Variants in PKD1L1 observed in about 807,000 individuals in gnomAD.
The protein encoded by PKD1L1 is polycystin 1 like 1, transient receptor potential channel interacting, also known as polycystin-1-like protein 1.
A neutral mutation model predicts 323.4 loss-of-function variants in PKD1L1; 236 were observed. The ratio of observed to expected loss-of-function variants is 0.73; its 90% CI spans 0.66 to 0.81. The LOEUF (loss-of-function observed/expected upper bound fraction) is 0.81. PKD1L1 is among the 40% of genes least tolerant of loss of function. The pLI, the probability that PKD1L1 is intolerant of heterozygous loss-of-function variation, is 0.00. For synonymous variants in PKD1L1, 1,344 were observed against 1,335.0 expected, an observed-to-expected ratio of 1.01 and a Z score of -0.15; for missense variants, 3,320 against 3,508.0, an observed-to-expected ratio of 0.95 and a Z score of 1.35.
At position 47,866,596 on chromosome 7, in the gene PKD1L1, T is replaced by C. The variant is rs752833235; in HGVS notation, c.3915A>G (p.Lys1305=). ...CCATCAGCTGGAGGGTAGAAAGGTT[T>C]TTCAGGCTGGAATTATACCTGAAGG... ...LGEDLYNSSL[K]NLSTLQLMGS... is the part of the protein sequence containing the mutation. Residue 1305 remains lysine, a synonymous_variant, in exon 25 of 57, where the codon AAA becomes AAG. Coordinates refer to ENST00000289672, the MANE Select transcript of PKD1L1 (RefSeq NM_138295.5). 2 of 1,607,618 alleles carry C rather than the reference T, an allele frequency of 1.2e-6. No individual in the cohort carries two copies. Among genetic ancestry groups the C allele is most frequent in the Non-Finnish European group, 1.7e-6 (2 of 1,176,324 alleles).
chr7:47,810,643 A>G (rs959411216), intron 50 of PKD1L1, among the ~76,000 whole-genome samples: 6 of 152,182 alleles, frequency 3.9e-5, no homozygotes, highest in Non-Finnish European at 8.8e-5. Flanking sequence ...CCCTCTCTTC[A>G]CTGCTAAAGC....
chr7:47,929,158 C>T (rs1308446336), intron 7 of PKD1L1, 46 bp downstream of exon 7: 1 of 1,571,756 alleles, frequency 6.4e-7, no homozygotes, highest in Non-Finnish European at 8.7e-7. Context: ...TCCCCTAGCT[C>T]AGGACCTCCT....
rs1787770576 is a variant in PKD1L1, at chr7:47,931,470, C to T, written c.520-149G>A. ...TTTGGGTGGGTGACCACAAATTGGC[C>T]CCGTGCATTGGCGCTATGTTGTGAG... is the stretch of plus-strand genomic sequence containing the variant. On this transcript the variant is annotated intron_variant, in intron 5 of 56. Coordinates refer to ENST00000289672, the MANE Select transcript of PKD1L1 (RefSeq NM_138295.5). 7 of 804,690 alleles carry T rather than the reference C, an allele frequency of 8.7e-6. No individual in the cohort carries two copies. The South Asian group carries it at 1.0e-4, about 12-fold the overall frequency. 49.8% of individuals were successfully genotyped at this position (804,690 alleles called of 1,614,324 possible). A position where few individuals can be genotyped will look rare whatever the true frequency, so the allele number is the denominator to read the frequency against.
At chr7:47,813,628 A>T (rs1314784251) in intron 48 of PKD1L1, 1 of 663,596 alleles carries the variant, frequency 1.5e-6, no homozygotes, top group Non-Finnish European at 2.8e-6. Context: ...TGAATATTCT[A>T]TTTTTAGATT....
intron 45 of PKD1L1, among the ~76,000 whole-genome samples, chr7:47,822,019 T>G (rs939984203): frequency 6.6e-6 from 1 of 152,154 alleles, no homozygotes. Context: ...ATCATCCTTT[T>G]TCCATTGGAT....
Position 47,885,604 on chromosome 7 carries a change from C to T in PKD1L1, c.3205+82G>A, listed in dbSNP as rs183179221. 471 of 1,519,204 alleles carry T rather than the reference C, an allele frequency of 3.1e-4. 1 individual carries two copies. The highest frequency in any genetic ancestry group is 3.8e-4 in the Non-Finnish European group (435 of 1,132,724). 94.1% of individuals were successfully genotyped at this position (1,519,204 alleles called of 1,614,324 possible). A position where few individuals can be genotyped will look rare whatever the true frequency, so the allele number is the denominator to read the frequency against. On this transcript the variant is annotated intron_variant, in intron 18 of 56. Coordinates refer to ENST00000289672, the MANE Select transcript of PKD1L1 (RefSeq NM_138295.5). ...GGCCCATGTTGATGTGATCTCACAC[C>T]TTACCCACCAGATTCACTGCTTCCA...
intron 27 of PKD1L1, 78 bp from the exon 28 acceptor site, chr7:47,857,910 G>A: frequency 1.5e-6 from 2 of 1,371,338 alleles, no homozygotes; most frequent in Non-Finnish European, 2.0e-6. Flanking sequence ...TAGGAGAGAG[G>A]GGAAAAGTAG....
intron 47 of PKD1L1, among the ~76,000 whole-genome samples, chr7:47,814,491 T>C (rs2128730447): frequency 6.6e-6 from 1 of 152,318 alleles, no homozygotes; most frequent in South Asian, 2.1e-4. Context: ...GCAATTCTCC[T>C]GCCTCAGCCT....
intron 22 of PKD1L1, among the ~76,000 whole-genome samples, chr7:47,876,645 T>C (rs1028590913): frequency 6.6e-6 from 1 of 151,630 alleles, no homozygotes; most frequent in African/African-American, 2.4e-5. Context: ...AGGACAAGGG[T>C]GGGGCTTCCT....
the PKD1L1 span, among the ~76,000 whole-genome samples, chr7:47,955,209 A>G: frequency 6.6e-6 from 1 of 152,346 alleles, no homozygotes. Context: ...CAGTATTCTA[A>G]ACCTGGCATA....
chr7:47,894,802 G>A lies in PKD1L1; in HGVS notation c.2272-743C>T, dbSNP rs149292130. 6.7e-3 allele frequency among the ~76,000 whole-genome samples: 1,008 copies of A among 149,680 alleles called. 14 individuals carry two copies. Among genetic ancestry groups the A allele is most frequent in the African/African-American group, 0.023 (947 of 40,610 alleles). On this transcript the variant is annotated intron_variant, in intron 14 of 56. Transcript: ENST00000289672. ...GTAGCCCAGAGGGGGAGGTTGCAGT[G>A]AGCTGAGATCACACCACTACACTCC...
At chr7:47,932,689 G>A (rs944359171) in intron 4 of PKD1L1, among the ~76,000 whole-genome samples, 5 of 152,174 alleles carry the variant, frequency 3.3e-5, no homozygotes, top group African/African-American at 1.2e-4. Flanking sequence ...CTTTCTCGGC[G>A]GCGGCTCCAG....
intron 43 of PKD1L1, 80 bp from the exon 44 acceptor site, chr7:47,829,681 A>C (rs1785304868): frequency 4.3e-6 from 6 of 1,384,652 alleles, no homozygotes; most frequent in Non-Finnish European, 5.8e-6. Flanking sequence ...CCCGTCCCCT[A>C]ATCATGAACA....
chr7:47,850,718 T>A lies in PKD1L1; in HGVS notation c.4960+2409A>T, dbSNP rs187715295. On this transcript the variant is annotated intron_variant, in intron 31 of 56. Coordinates refer to ENST00000289672, the MANE Select transcript of PKD1L1 (RefSeq NM_138295.5). ...TGAACCTAGCTGTATATAAAACGTA[T>A]AGCAAAAACCCACAGAGAAAATAAT... Among the ~76,000 whole-genome samples, 10 of 150,682 alleles carry A rather than the reference T, an allele frequency of 6.6e-5. No individual in the cohort carries two copies. The East Asian group carries it at 1.9e-3, about 29-fold the overall frequency.
At chr7:47,845,536 T>C (rs1306569616) in intron 32 of PKD1L1, among the ~76,000 whole-genome samples, 1 of 152,234 alleles carries the variant, frequency 6.6e-6, no homozygotes, top group Non-Finnish European at 1.5e-5. Flanking sequence ...AAAGTCTATC[T>C]CACCCTCATT....
intron 41 of PKD1L1, among the ~76,000 whole-genome samples, chr7:47,832,168 C>T (rs1785360453): frequency 6.6e-6 from 1 of 152,192 alleles, no homozygotes; most frequent in Non-Finnish European, 1.5e-5. Flanking sequence ...GAACATAAAT[C>T]AAAGAATGTG....
intron 2 of PKD1L1, among the ~76,000 whole-genome samples, chr7:47,941,510 CTATT>C (rs1233868389): frequency 6.6e-6 from 1 of 152,190 alleles, no homozygotes; most frequent in Non-Finnish European, 1.5e-5. Flanking sequence ...GTCAAAGTCA[CTATT>C]TACTGTCAAG....
At chr7:47,830,218 G>A (rs2128735099) in intron 42 of PKD1L1, 94 bp from the exon 43 acceptor site, 2 of 1,071,146 alleles carry the variant, frequency 1.9e-6, no homozygotes, top group Non-Finnish European at 2.8e-6. Flanking sequence ...CTGCCTGAGA[G>A]GGCCTATGGC....
At chr7:47,864,608 CTTT>C (rs1786112508) in intron 26 of PKD1L1, among the ~76,000 whole-genome samples, 3 of 133,960 alleles carry the variant, frequency 2.2e-5, no homozygotes, top group South Asian at 2.4e-4. Context: ...TTCTTTCTTT[CTTT>C]CTTTCTTTCT....
Sources: allele counts gnomAD v4.1 joint callset (sites outside exome capture counted in the v4.1 genomes callset), GRCh38; gene constraint gnomAD v4.1.1; transcripts MANE v1.5; gene names NCBI Gene and HGNC (gene_info 2026-07-23, HGNC 2026-07-21).